The following RAPGEF6 variants were observed in gnomAD, a reference collection of about 807,000 sequenced individuals.
The protein encoded by RAPGEF6 is PDZ domain containing guanine nucleotide exchange factor (GEF) 2.
A neutral mutation model predicts 171.4 loss-of-function variants in RAPGEF6; 56 were observed. That is an observed-to-expected ratio of 0.33 (90% CI 0.26 to 0.41). The LOEUF is 0.41. Among genes scored for constraint, RAPGEF6 ranks in the 10% least tolerant of loss-of-function variants. The pLI is 1.00. For synonymous variants in RAPGEF6, 692 were observed against 650.1 expected, an observed-to-expected ratio of 1.06 and a Z score of -0.98; for missense variants, 1,674 against 1,921.4, an observed-to-expected ratio of 0.87 and a Z score of 2.41.
chr5:131,613,441 C>T (rs563889351), intron 1 of RAPGEF6, among the ~76,000 whole-genome samples: 5 of 136,798 alleles, frequency 3.7e-5, no homozygotes, highest in African/African-American at 1.4e-4. Flanking sequence ...CTCTCTCTCT[C>T]TTCATATATA....
chr5:131,507,367 A>G (rs766179193), intron 9 of RAPGEF6, among the ~76,000 whole-genome samples: 1 of 152,066 alleles, frequency 6.6e-6, no homozygotes, highest in South Asian at 2.1e-4. Context: ...TTGGAGGACC[A>G]TGTTAAGAAT....
chr5:131,509,733 A>G (rs1287427724), intron 8 of RAPGEF6, among the ~76,000 whole-genome samples: 2 of 152,176 alleles, frequency 1.3e-5, no homozygotes, highest in Admixed American at 1.3e-4. Context: ...CAAAGCTTTT[A>G]TTTTATATAT....
At chr5:131,582,176 TAA>T (rs1763007684) in intron 4 of RAPGEF6, among the ~76,000 whole-genome samples, 1 of 152,194 alleles carries the variant, frequency 6.6e-6, no homozygotes, top group Non-Finnish European at 1.5e-5. Flanking sequence ...TGGATGCAGG[TAA>T]CACATACCAC....
intron 1 of RAPGEF6, among the ~76,000 whole-genome samples, chr5:131,631,229 T>A (rs759816946): frequency 6.6e-6 from 1 of 152,234 alleles, no homozygotes; most frequent in East Asian, 1.9e-4. Context: ...AATACAAATT[T>A]GTATATGCAA....
chr5:131,546,017 A>G (rs977462382), intron 6 of RAPGEF6, among the ~76,000 whole-genome samples: 1 of 152,172 alleles, frequency 6.6e-6, no homozygotes, highest in African/African-American at 2.4e-5. Flanking sequence ...GAAGATGACA[A>G]CTCTCAGTAC....
At chr5:131,532,249 A>T (rs910236245) in intron 6 of RAPGEF6, 4 of 373,698 alleles carry the variant, frequency 1.1e-5, no homozygotes, top group Non-Finnish European at 2.1e-5. Context: ...TACAAATCAT[A>T]CACCACTGCA....
intron 17 of RAPGEF6, among the ~76,000 whole-genome samples, chr5:131,470,784 T>C (rs1449653530): frequency 6.6e-6 from 1 of 151,826 alleles, no homozygotes; most frequent in Non-Finnish European, 1.5e-5. Context: ...AACACTGGAG[T>C]TCAGCACTGA....
chr5:131,488,802 T>C (rs1756096190), intron 15 of RAPGEF6, among the ~76,000 whole-genome samples: 1 of 152,218 alleles, frequency 6.6e-6, no homozygotes, highest in Admixed American at 6.5e-5. Context: ...TCCTCCCTAC[T>C]TCATAAGGAC....
chr5:131,463,577 T>TC lies in RAPGEF6; in HGVS notation c.2480+463dup, dbSNP rs1554072563. On this transcript the variant is annotated intron_variant, in intron 18 of 27. Coordinates refer to ENST00000509018, the MANE Select transcript of RAPGEF6 (RefSeq NM_016340.6). The stretch of plus-strand genomic sequence containing the variant: ...CTGGGCGACAGAGGGAGACTCCATC[T>TC]CAAAAAAAAAAAAAAAAACCAGAGT... 1.4e-5 allele frequency: 4 copies of TC among 282,538 alleles called. No homozygotes were observed. The East Asian group carries it at 1.6e-3, about 112-fold the overall frequency. 17.5% of individuals were successfully genotyped at this position (282,538 alleles called of 1,614,324 possible). A position where few individuals can be genotyped will look rare whatever the true frequency, so the allele number is the denominator to read the frequency against.
At chr5:131,617,044 G>A (rs147016522) in intron 1 of RAPGEF6, among the ~76,000 whole-genome samples, 106 of 152,264 alleles carry the variant, frequency 7.0e-4, no homozygotes, top group African/African-American at 2.4e-3. Flanking sequence ...AGATCCTAAG[G>A]TCAGCACAAA....
intron 11 of RAPGEF6, among the ~76,000 whole-genome samples, chr5:131,502,223 G>A (rs755046872): frequency 2.0e-5 from 3 of 152,174 alleles, no homozygotes; most frequent in Non-Finnish European, 4.4e-5. Flanking sequence ...AATACAATGA[G>A]TTAATAAATG....
chr5:131,628,286 T>TA (rs1004851560), intron 1 of RAPGEF6, among the ~76,000 whole-genome samples: 9 of 149,706 alleles, frequency 6.0e-5, no homozygotes, highest in East Asian at 2.0e-4. Context: ...AAAAATGATT[T>TA]AAAAAAAAAA....
At chr5:131,482,094 A>G (rs2149859714) in intron 15 of RAPGEF6, among the ~76,000 whole-genome samples, 1 of 152,338 alleles carries the variant, frequency 6.6e-6, no homozygotes, top group African/African-American at 2.4e-5. Context: ...GTTTCAACAG[A>G]AGGATGATAC....
At chr5:131,442,671 G>A in intron 22 of RAPGEF6, 134 bp from the exon 23 acceptor site, 2 of 1,360,500 alleles carry the variant, frequency 1.5e-6, no homozygotes, top group Non-Finnish European at 1.9e-6. Flanking sequence ...TTTCTTAGCA[G>A]GAATTTCAGT....
chr5:131,527,288 AAAC>A (rs527692606), intron 6 of RAPGEF6, among the ~76,000 whole-genome samples: 5 of 149,452 alleles, frequency 3.3e-5, no homozygotes, highest in Non-Finnish European at 7.4e-5. Flanking sequence ...GAAAAAAACA[AAAC>A]AACAACAACA....
chr5:131,435,433 T>C (rs558798504), intron 24 of RAPGEF6, among the ~76,000 whole-genome samples: 1 of 152,214 alleles, frequency 6.6e-6, no homozygotes, highest in Non-Finnish European at 1.5e-5. Context: ...CACAATAATC[T>C]TGCTTCATTG....
At chr5:131,610,028 T>TA (rs1477636067) in intron 1 of RAPGEF6, among the ~76,000 whole-genome samples, 4 of 152,274 alleles carry the variant, frequency 2.6e-5, no homozygotes, top group African/African-American at 9.6e-5. Context: ...AATAACCTTA[T>TA]AAAGGCATAG....
At chr5:131,504,814 T>C in intron 10 of RAPGEF6, 36 bp from the exon 11 acceptor site, 4 of 1,572,582 alleles carry the variant, frequency 2.5e-6, no homozygotes, top group Non-Finnish European at 3.5e-6. Context: ...TTAATGAACC[T>C]ATAGTACATA....
At chr5:131,450,174 T>C (rs1248064608) in intron 21 of RAPGEF6, 1 of 1,030,094 alleles carries the variant, frequency 9.7e-7, no homozygotes, top group Non-Finnish European at 1.4e-6. Flanking sequence ...AGGAAAAAAT[T>C]ACAGCTTAAC....
Sources: allele counts gnomAD v4.1 joint callset (sites outside exome capture counted in the v4.1 genomes callset), GRCh38; gene constraint gnomAD v4.1.1; transcripts MANE v1.5; gene names NCBI Gene and HGNC (gene_info 2026-07-23, HGNC 2026-07-21).